The following GLDC variants were observed in gnomAD, a reference collection of about 807,000 sequenced individuals.
GLDC encodes the protein glycine dehydrogenase (decarboxylating), mitochondrial.
Under a neutral mutation model 121.3 loss-of-function variants are expected in GLDC, and 104 were observed. The ratio of observed to expected loss-of-function variants is 0.86; its 90% CI spans 0.73 to 1.01. GLDC has a LOEUF of 1.01. GLDC is among the 50% of genes least tolerant of loss of function. GLDC has a pLI of 0.00. For missense variants in GLDC, 1,429 were observed against 1,306.6 expected (o/e 1.09, Z -1.44); for synonymous variants, 546 against 480.6 (o/e 1.14, Z -1.78).
intron 9 of GLDC, 103 bp from the exon 10 acceptor site, chr9:6,593,093 T>A: frequency 5.4e-6 from 7 of 1,286,146 alleles, no homozygotes; most frequent in Middle Eastern, 1.8e-4. Context: ...TAGACTCTTG[T>A]TGGTCCTGGG....
chr9:6,643,229 A>G (rs543974082), intron 2 of GLDC, among the ~76,000 whole-genome samples: 1 of 151,996 alleles, frequency 6.6e-6, no homozygotes, highest in African/African-American at 2.4e-5. Context: ...GGAAATAGAT[A>G]AGGCTTCCCT....
At chr9:6,627,518 T>C (rs375044534) in intron 2 of GLDC, among the ~76,000 whole-genome samples, 3 of 152,266 alleles carry the variant, frequency 2.0e-5, no homozygotes, top group East Asian at 1.9e-4. Context: ...TTGGTTCTCA[T>C]GATAGCTTGG....
intron 3 of GLDC, among the ~76,000 whole-genome samples, chr9:6,613,265 C>T (rs1358844585): frequency 1.3e-5 from 2 of 152,160 alleles, no homozygotes; most frequent in Non-Finnish European, 2.9e-5. Flanking sequence ...CAAACTTTAA[C>T]ATAACTACAG....
chr9:6,544,764 T>C (rs551066749), intron 21 of GLDC, among the ~76,000 whole-genome samples: 1 of 152,220 alleles, frequency 6.6e-6, no homozygotes, highest in East Asian at 1.9e-4. Flanking sequence ...CTTTGCCTCC[T>C]ATAAAAGTAG....
At chr9:6,554,019 T>A (rs1201585157) in intron 19 of GLDC, among the ~76,000 whole-genome samples, 1 of 152,064 alleles carries the variant, frequency 6.6e-6, no homozygotes, top group African/African-American at 2.4e-5. Flanking sequence ...AAGAAAAAAG[T>A]AAGAAGGCCA....
intron 9 of GLDC, 33 bp downstream of exon 9, chr9:6,594,981 T>A: frequency 8.0e-7 from 1 of 1,244,266 alleles, no homozygotes; most frequent in South Asian, 1.2e-5. Context: ...AATTTTATTA[T>A]GCCCAAATGT....
chr9:6,558,187 T>C (rs921219776), intron 17 of GLDC: 1 of 479,718 alleles, frequency 2.1e-6, no homozygotes, highest in Non-Finnish European at 3.8e-6. Flanking sequence ...GTCATGGATA[T>C]TTGCAAAGCT....
chr9:6,532,828 C>T lies in GLDC; in HGVS notation c.*189G>A, dbSNP rs1049111024. 13 of 610,980 alleles carry T rather than the reference C, an allele frequency of 2.1e-5. No individual in the cohort carries two copies. The highest frequency in any genetic ancestry group is 4.5e-4 in the Middle Eastern group (1 of 2,220). 37.8% of individuals were successfully genotyped at this position (610,980 alleles called of 1,614,324 possible). On this transcript the variant is annotated 3_prime_UTR_variant, in exon 25 of 25. Transcript: ENST00000321612. ...TGGAAGCAGAATACCAAAGCAAATC[C>T]GTCTTCCAACCATCAGCTTCGACTC...
In GLDC at chr9:6,644,758, G is replaced by A. The variant is rs1269758835; in HGVS notation, c.256-66C>T. ...TAAAAGAGTCACCTCTGTGTTTTGC[G>A]ACTACAAAGCCTTGTGGGAACCTCA... On this transcript the variant is annotated intron_variant, in intron 1 of 24. Transcript: ENST00000321612. The A allele has an allele frequency of 3.7e-6, 4 of 1,095,622 alleles. No homozygotes were observed. In the African/African-American group the frequency reaches 6.1e-5, roughly 17 times the overall value. 67.9% of individuals were successfully genotyped at this position (1,095,622 alleles called of 1,614,324 possible).
At chr9:6,552,095 G>C (rs528563295) in intron 20 of GLDC, among the ~76,000 whole-genome samples, 1 of 152,328 alleles carries the variant, frequency 6.6e-6, no homozygotes, top group Admixed American at 6.5e-5. Flanking sequence ...CCTAGGGTGA[G>C]TCTAGCAGTC....
At chr9:6,585,003 T>G (rs557287547) in intron 15 of GLDC, 1 of 152,180 alleles carries the variant, frequency 6.6e-6, no homozygotes. Flanking sequence ...TTGGCTGCAG[T>G]TGGAATCATG....
chr9:6,576,589 C>T (rs1818070133), intron 15 of GLDC, among the ~76,000 whole-genome samples: 1 of 152,136 alleles, frequency 6.6e-6, no homozygotes, highest in Admixed American at 6.5e-5. Context: ...GCCTCAGCCT[C>T]CCGAGTAGCT....
At chr9:6,620,144 A>T (rs568878503) in intron 3 of GLDC, 40 bp downstream of exon 3, 3 of 1,601,846 alleles carry the variant, frequency 1.9e-6, no homozygotes, top group African/African-American at 2.7e-5. Context: ...GAATTATGCA[A>T]ATCACAGTCA....
chr9:6,550,938 A>G, intron 20 of GLDC, 24 bp from the exon 21 acceptor site: 2 of 1,456,830 alleles, frequency 1.4e-6, no homozygotes, highest in East Asian at 4.5e-5. Context: ...AAAAAGAGCC[A>G]TTAGCCATTG....
intron 2 of GLDC, among the ~76,000 whole-genome samples, chr9:6,631,149 G>C (rs1446487968): frequency 6.6e-6 from 1 of 152,202 alleles, no homozygotes; most frequent in Non-Finnish European, 1.5e-5. Context: ...GAGTCTCCTT[G>C]CTCTAAGCCT....
chr9:6,590,298 A>G (rs1818351095), intron 11 of GLDC, among the ~76,000 whole-genome samples: 2 of 151,972 alleles, frequency 1.3e-5, no homozygotes, highest in Non-Finnish European at 2.9e-5. Flanking sequence ...AATATCCAGA[A>G]TATATAATCA....
At chr9:6,596,598 A>G (rs1818498113) in intron 8 of GLDC, among the ~76,000 whole-genome samples, 1 of 152,166 alleles carries the variant, frequency 6.6e-6, no homozygotes, top group Admixed American at 6.6e-5. Context: ...TAAAATAACA[A>G]TAATACAATT....
intron 3 of GLDC, among the ~76,000 whole-genome samples, chr9:6,615,058 C>G (rs1394271895): frequency 6.6e-6 from 1 of 152,166 alleles, no homozygotes; most frequent in African/African-American, 2.4e-5. Flanking sequence ...TACTTGTGAA[C>G]TGGGATAAAT....
intron 2 of GLDC, among the ~76,000 whole-genome samples, chr9:6,635,728 T>C (rs557832874): frequency 6.6e-6 from 1 of 151,908 alleles, no homozygotes; most frequent in South Asian, 2.1e-4. Flanking sequence ...TTTAAAAAAT[T>C]AGCCAGGTGC....
Sources: allele counts gnomAD v4.1 joint callset (sites outside exome capture counted in the v4.1 genomes callset), GRCh38; gene constraint gnomAD v4.1.1; transcripts MANE v1.5; gene names NCBI Gene and HGNC (gene_info 2026-07-23, HGNC 2026-07-21).